Variants in MARCHF1 observed in about 807,000 individuals in gnomAD.
MARCHF1 encodes E3 ubiquitin-protein ligase MARCHF1.
Under a neutral mutation model 54.2 loss-of-function variants are expected in MARCHF1, and 40 were observed. The observed-to-expected ratio is 0.74, with a 90% CI of 0.57 to 0.96. The LOEUF (loss-of-function observed/expected upper bound fraction) is 0.96, where lower values mean the gene tolerates loss of function less well. MARCHF1 is among the 40% of genes least tolerant of loss of function. MARCHF1 has a pLI of 0.00. For synonymous variants in MARCHF1, 236 were observed against 236.3 expected (o/e 1.00, Z 0.01); for missense variants, 586 against 656.5 (o/e 0.89, Z 1.17).
rs189598866 is a variant in MARCHF1 at position 163,708,462 on chromosome 4, T to C, written c.112-7599A>G. Among the ~76,000 whole-genome samples the C allele has an allele frequency of 1.6e-3, 242 of 152,236 alleles. 2 individuals are homozygous for C. Among genetic ancestry groups the C allele is most frequent in the Middle Eastern group, 0.01 (3 of 294 alleles). On this transcript the variant is annotated intron_variant, in intron 4 of 9. Transcript: ENST00000514618. ...CCCTCTTGACTAACAGAATAAACAA[T>C]GTTCATCAATAAAGAATTGTTAAGT...
intron 4 of MARCHF1, among the ~76,000 whole-genome samples, chr4:163,805,561 A>C (rs1432791101): frequency 6.6e-6 from 1 of 152,166 alleles, no homozygotes; most frequent in East Asian, 1.9e-4. Flanking sequence ...GAAAAATAAC[A>C]AGTGCTAAAT....
At position 163,612,922 on chromosome 4, in the gene MARCHF1, C is replaced by T. The variant is rs1050312280; in HGVS notation, c.359G>A (p.Arg120Lys). The T allele has an allele frequency of 2.6e-6, 4 of 1,535,400 alleles. No individual in the cohort carries two copies. The African/African-American group carries it at 4.1e-5, about 16-fold the overall frequency. Reference sequence around the variant, plus strand: ...ATATCTCTCAGAGGCTTTTCTCCTCCTCCTAGGTCTTTGTATTACTGATTT... The same window carrying T: ...ATATCTCTCAGAGGCTTTTCTCCTCTTCCTAGGTCTTTGTATTACTGATTT... ...GKKSVIQRPR[R>K]RRKASERYEH... The change falls in exon 7 of 10, where the codon AGG becomes AAG. Residue 120 changes from arginine (R) to lysine (K), a missense_variant. Physicochemically the swap from Arg to Lys is conservative, Grantham distance 26. This residue lies in a region of MARCHF1 where 387 missense variants were observed against 394.6 expected (regional missense o/e 0.98). Coordinates refer to ENST00000514618, the MANE Select transcript of MARCHF1 (RefSeq NM_001394959.1).
At chr4:164,248,940 T>G (rs2111237625) in intron 1 of MARCHF1, among the ~76,000 whole-genome samples, 1 of 152,196 alleles carries the variant, frequency 6.6e-6, no homozygotes, top group African/African-American at 2.4e-5. Context: ...AATTCATAAT[T>G]CATTGGAATA....
At chr4:163,687,377 G>A (rs1201811738) in intron 5 of MARCHF1, among the ~76,000 whole-genome samples, 4 of 152,038 alleles carry the variant, frequency 2.6e-5, no homozygotes, top group Admixed American at 1.3e-4. Context: ...ACAGGTGCCC[G>A]CCACCACGCC....
intron 4 of MARCHF1, 55 bp from the exon 5 acceptor site, chr4:163,700,918 A>G (rs1744793051): frequency 8.2e-7 from 1 of 1,221,388 alleles, no homozygotes; most frequent in African/African-American, 1.5e-5. Context: ...CTTTCACCAT[A>G]CTGTACCACT....
intron 3 of MARCHF1, among the ~76,000 whole-genome samples, chr4:163,925,513 CAAAT>C (rs1032917446): frequency 7.9e-5 from 12 of 151,746 alleles, no homozygotes; most frequent in African/African-American, 1.7e-4. Context: ...GTATTCAACA[CAAAT>C]GAATGATACT....
At chr4:163,928,497 C>A (rs1354787718) in intron 3 of MARCHF1, among the ~76,000 whole-genome samples, 1 of 151,820 alleles carries the variant, frequency 6.6e-6, no homozygotes, top group African/African-American at 2.4e-5. Flanking sequence ...TTATGACTTG[C>A]ACTTTATGGA....
chr4:164,070,193 C>A (rs938519776), intron 2 of MARCHF1, among the ~76,000 whole-genome samples: 1 of 151,984 alleles, frequency 6.6e-6, no homozygotes, highest in Non-Finnish European at 1.5e-5. Context: ...TGCAATATAC[C>A]CATGCAGTGA....
chr4:163,570,318 G>A (rs1292890205), intron 8 of MARCHF1, among the ~76,000 whole-genome samples: 1 of 152,050 alleles, frequency 6.6e-6, no homozygotes, highest in Non-Finnish European at 1.5e-5. Flanking sequence ...TGATGATGGA[G>A]GGATGGGAGA....
intron 4 of MARCHF1, among the ~76,000 whole-genome samples, chr4:163,723,395 T>C (rs12498692): frequency 0.38 from 58,166 of 152,126 alleles, 11,933 homozygotes; most frequent in Admixed American, 0.46. Context: ...AGAGATCAGC[T>C]GTTAGTCTGG....
intron 8 of MARCHF1, among the ~76,000 whole-genome samples, chr4:163,580,286 G>A (rs1350907964): frequency 2.0e-5 from 3 of 151,886 alleles, no homozygotes; most frequent in African/African-American, 7.3e-5. Context: ...CACCATGGTG[G>A]CCAGGCTGGT....
At chr4:164,099,014 T>C (rs917194291) in intron 2 of MARCHF1, among the ~76,000 whole-genome samples, 6 of 152,244 alleles carry the variant, frequency 3.9e-5, no homozygotes, top group African/African-American at 1.4e-4. Flanking sequence ...ATATAGTTAA[T>C]GTTGAATTTG....
chr4:163,904,072 C>T (rs907221296), intron 3 of MARCHF1, among the ~76,000 whole-genome samples: 2 of 152,132 alleles, frequency 1.3e-5, no homozygotes, highest in Non-Finnish European at 2.9e-5. Context: ...TTTCATTTCA[C>T]ATTTGTCATA....
intron 1 of MARCHF1, among the ~76,000 whole-genome samples, chr4:164,209,074 G>A (rs978773912): frequency 1.3e-5 from 2 of 150,860 alleles, no homozygotes; most frequent in Admixed American, 6.6e-5. Flanking sequence ...AATAAAAGTT[G>A]CCTTGTATTC....
At chr4:163,979,866 GTTGT>G (rs1418790361) in intron 3 of MARCHF1, among the ~76,000 whole-genome samples, 25 of 151,982 alleles carry the variant, frequency 1.6e-4, no homozygotes, top group African/African-American at 5.1e-4. Context: ...TTTTGATGGG[GTTGT>G]TTGTTTTTTT....
At chr4:163,889,729 G>A (rs1750612699) in intron 3 of MARCHF1, among the ~76,000 whole-genome samples, 1 of 151,746 alleles carries the variant, frequency 6.6e-6, no homozygotes, top group Non-Finnish European at 1.5e-5. Flanking sequence ...ATATTTTACA[G>A]ACCAGAAGCC....
intron 4 of MARCHF1, among the ~76,000 whole-genome samples, chr4:163,738,790 A>C (rs573231654): frequency 3.3e-5 from 5 of 152,344 alleles, no homozygotes; most frequent in Non-Finnish European, 5.9e-5. Flanking sequence ...ATGGCAGAAA[A>C]GCACTCATTA....
At chr4:164,006,258 C>T (rs1579455007) in intron 2 of MARCHF1, among the ~76,000 whole-genome samples, 1 of 151,882 alleles carries the variant, frequency 6.6e-6, no homozygotes, top group Admixed American at 6.6e-5. Context: ...AGAAATTTGA[C>T]AAAAATTGAA....
intron 1 of MARCHF1, among the ~76,000 whole-genome samples, chr4:164,340,590 T>C (rs1410800464): frequency 3.3e-5 from 5 of 151,206 alleles, no homozygotes; most frequent in Middle Eastern, 3.4e-3. Context: ...TGCCTGCCTA[T>C]TTTTGTATTT....
Sources: allele counts gnomAD v4.1 joint callset (sites outside exome capture counted in the v4.1 genomes callset), GRCh38; gene constraint gnomAD v4.1.1; regional missense constraint gnomAD v4.1.1; transcripts MANE v1.5; gene names NCBI Gene and HGNC (gene_info 2026-07-23, HGNC 2026-07-21).